Variants in C1orf21 observed in about 807,000 individuals in gnomAD.
C1orf21 encodes chromosome 1 open reading frame 21.
In C1orf21, 3 loss-of-function variants were observed where a neutral mutation model predicts 18.7. The observed-to-expected ratio is 0.16, with a 90% confidence interval of 0.07 to 0.42. C1orf21 has a LOEUF of 0.42. Among genes scored for constraint, C1orf21 ranks in the 10% least tolerant of loss-of-function variants. C1orf21 has a pLI of 0.99. For synonymous variants in C1orf21, 41 were observed against 46.4 expected (o/e 0.88, Z 0.47); for missense variants, 104 against 143.6 (o/e 0.72, Z 1.41).
At chr1:184,558,419 T>G (rs1658909031) in intron 3 of C1orf21, among the ~76,000 whole-genome samples, 1 of 152,230 alleles carries the variant, frequency 6.6e-6, no homozygotes, top group Non-Finnish European at 1.5e-5. Flanking sequence ...CTAGAGTAGT[T>G]GCTAGGATTT....
chr1:184,538,913 GT>G (rs1658601633), intron 3 of C1orf21, among the ~76,000 whole-genome samples: 2 of 152,032 alleles, frequency 1.3e-5, no homozygotes, highest in Non-Finnish European at 2.9e-5. Flanking sequence ...AATCCTTAGC[GT>G]TTTCCAAACA....
At chr1:184,546,971 T>TGGA (rs1658736727) in intron 3 of C1orf21, among the ~76,000 whole-genome samples, 1 of 152,204 alleles carries the variant, frequency 6.6e-6, no homozygotes, top group South Asian at 2.1e-4. Flanking sequence ...CTGGCTGATC[T>TGGA]GGAGGATCAG....
intron 2 of C1orf21, among the ~76,000 whole-genome samples, chr1:184,480,130 T>C (rs1171786217): frequency 6.6e-6 from 1 of 152,208 alleles, no homozygotes; most frequent in Non-Finnish European, 1.5e-5. Context: ...AGGGGATAGA[T>C]GCTCTGCCTT....
chr1:184,456,208 A>G (rs1412834987), intron 1 of C1orf21, among the ~76,000 whole-genome samples: 2 of 152,134 alleles, frequency 1.3e-5, no homozygotes, highest in African/African-American at 2.4e-5. Flanking sequence ...TAGCTTCTCT[A>G]TTTTGAACCA....
chr1:184,491,859 A>G (rs1478502929), intron 2 of C1orf21, among the ~76,000 whole-genome samples: 1 of 152,208 alleles, frequency 6.6e-6, no homozygotes, highest in Non-Finnish European at 1.5e-5. Flanking sequence ...ATAGGAAATA[A>G]CTATGATATA....
At chr1:184,590,634 A>G (rs1659423785) in intron 3 of C1orf21, 105 bp from the exon 4 acceptor site, 2 of 1,111,382 alleles carry the variant, frequency 1.8e-6, no homozygotes, top group Middle Eastern at 2.5e-4. Flanking sequence ...CAGCCGTAGT[A>G]TAGGGCCCCA....
At chr1:184,484,980 T>C (rs998692938) in intron 2 of C1orf21, among the ~76,000 whole-genome samples, 7 of 151,748 alleles carry the variant, frequency 4.6e-5, no homozygotes, top group Admixed American at 2.6e-4. Flanking sequence ...TTTCACAAGG[T>C]TATGGTGAAA....
chr1:184,535,384 A>C (rs1658536088), intron 3 of C1orf21, among the ~76,000 whole-genome samples: 1 of 152,200 alleles, frequency 6.6e-6, no homozygotes, highest in African/African-American at 2.4e-5. Context: ...GTATGTTCCA[A>C]AGGAGAGAAA....
rs1327152723 is a variant in C1orf21 at position 184,622,295 on chromosome 1, G to C, written c.*2739G>C. 2.6e-5 allele frequency: 4 copies of C among 152,278 alleles called. No homozygotes were observed. The highest frequency in any genetic ancestry group is 9.6e-5 in the African/African-American group (4 of 41,460). 9.4% of individuals were successfully genotyped at this position (152,278 alleles called of 1,614,324 possible). A position where few individuals can be genotyped will look rare whatever the true frequency, so the allele number is the denominator to read the frequency against. ...ATGAACTGAGAGCATTAAGCAGAGA[G>C]GGTTGATAGGCTGGCCGTGTCCGGG... On this transcript the variant is annotated 3_prime_UTR_variant, in exon 6 of 6. Coordinates refer to ENST00000235307, the MANE Select transcript of C1orf21 (RefSeq NM_030806.4).
At chr1:184,475,501 T>C (rs1657555591) in intron 1 of C1orf21, among the ~76,000 whole-genome samples, 3 of 152,224 alleles carry the variant, frequency 2.0e-5, no homozygotes, top group Non-Finnish European at 4.4e-5. Context: ...CCTACAAAAA[T>C]ACTACTTCTT....
intron 1 of C1orf21, among the ~76,000 whole-genome samples, chr1:184,435,507 C>T (rs1656843837): frequency 6.6e-6 from 1 of 152,138 alleles, no homozygotes; most frequent in African/African-American, 2.4e-5. Flanking sequence ...CCATGCCCAG[C>T]TAATTTTTTA....
At chr1:184,501,028 C>G (rs762497981) in intron 2 of C1orf21, among the ~76,000 whole-genome samples, 2 of 152,180 alleles carry the variant, frequency 1.3e-5, no homozygotes, top group Non-Finnish European at 2.9e-5. Context: ...ATGTATTAAT[C>G]AATTCCACCT....
At chr1:184,562,764 A>G (rs573161569) in intron 3 of C1orf21, among the ~76,000 whole-genome samples, 1 of 152,364 alleles carries the variant, frequency 6.6e-6, no homozygotes, top group Non-Finnish European at 1.5e-5. Context: ...AGCATTTACT[A>G]CTAAAATTAT....
In C1orf21 at chr1:184,624,743, A is replaced by C. The variant is rs1659978633; in HGVS notation, c.*5187A>C. The C allele has an allele frequency of 1.3e-5, 2 of 152,238 alleles. No individual in the cohort carries two copies. Among genetic ancestry groups the C allele is most frequent in the Admixed American group, 1.3e-4 (2 of 15,282 alleles). The allele number at this position is 152,238 out of a possible 1,614,324, so 9.4% of individuals were successfully genotyped here. On this transcript the variant is annotated 3_prime_UTR_variant, in exon 6 of 6. Coordinates refer to ENST00000235307, the MANE Select transcript of C1orf21 (RefSeq NM_030806.4). The stretch of plus-strand genomic sequence containing the variant: ...GAGACCTTACATGTTTTAGATAGTC[A>C]TGTAATGACTTGGATAGACATTTAA...
intron 1 of C1orf21, among the ~76,000 whole-genome samples, chr1:184,427,247 A>G (rs1270920110): frequency 1.3e-5 from 2 of 152,194 alleles, no homozygotes; most frequent in Non-Finnish European, 2.9e-5. Flanking sequence ...GCTTACAAAA[A>G]TCTGCTAAAG....
intron 3 of C1orf21, among the ~76,000 whole-genome samples, chr1:184,548,117 G>A (rs1658752991): frequency 6.6e-6 from 1 of 152,024 alleles, no homozygotes; most frequent in African/African-American, 2.4e-5. Context: ...TAGGCTGTGT[G>A]ATCTTAGAAA....
chr1:184,577,634 A>G (rs1177851475), intron 3 of C1orf21, among the ~76,000 whole-genome samples: 3 of 152,124 alleles, frequency 2.0e-5, no homozygotes, highest in Non-Finnish European at 4.4e-5. Context: ...TCTGCCTGTA[A>G]GAAAAACTAG....
intron 1 of C1orf21, among the ~76,000 whole-genome samples, chr1:184,413,822 A>G (rs1656404377): frequency 6.6e-6 from 1 of 152,196 alleles, no homozygotes; most frequent in African/African-American, 2.4e-5. Context: ...TTTGCTGGGA[A>G]GTCAAAAGGA....
chr1:184,525,693 C>T (rs1317416168), intron 3 of C1orf21, among the ~76,000 whole-genome samples: 1 of 151,824 alleles, frequency 6.6e-6, no homozygotes, highest in Non-Finnish European at 1.5e-5. Flanking sequence ...AAAGGTTTGC[C>T]CCTTAGTGAA....
Sources: gnomAD v4.1 joint callset for allele counts (sites outside exome capture counted in the v4.1 genomes callset) on GRCh38, gnomAD v4.1.1 for gene constraint, MANE v1.5 for transcripts, NCBI Gene and HGNC (gene_info 2026-07-23, HGNC 2026-07-21) for gene names.